Variants in AUH observed in about 807,000 individuals in gnomAD.
AUH encodes the protein methylglutaconyl-CoA hydratase, mitochondrial.
Under a neutral mutation model 42.3 loss-of-function variants are expected in AUH, and 29 were observed. That is an observed-to-expected ratio of 0.69 (90% CI 0.51 to 0.93). The LOEUF (loss-of-function observed/expected upper bound fraction) is 0.93, where lower values mean the gene tolerates loss of function less well. AUH is among the 40% of genes least tolerant of loss of function. The probability of loss-of-function intolerance (pLI) is 0.00; values close to 1 mark genes in which losing one functional copy is unlikely to be tolerated. For synonymous variants in AUH, 174 were observed against 166.4 expected, an observed-to-expected ratio of 1.05 and a Z score of -0.35; for missense variants, 452 against 438.1, an observed-to-expected ratio of 1.03 and a Z score of -0.28.
chr9:91,275,452 T>G (rs1037748024), intron 6 of AUH, among the ~76,000 whole-genome samples: 1 of 152,226 alleles, frequency 6.6e-6, no homozygotes, highest in African/African-American at 2.4e-5. Context: ...TGATTTCTCA[T>G]TTTTCAAACA....
intron 4 of AUH, among the ~76,000 whole-genome samples, chr9:91,304,089 G>A (rs1055816818): frequency 6.6e-5 from 10 of 152,156 alleles, no homozygotes; most frequent in African/African-American, 2.2e-4. Context: ...ATGACACTTC[G>A]ATTCTAGCAC....
chr9:91,276,113 T>A (rs1825517919), intron 6 of AUH, among the ~76,000 whole-genome samples: 1 of 152,098 alleles, frequency 6.6e-6, no homozygotes, highest in Non-Finnish European at 1.5e-5. Context: ...TAATATTATC[T>A]GCATTTCAAA....
intron 6 of AUH, among the ~76,000 whole-genome samples, chr9:91,236,336 G>C (rs951762293): frequency 6.6e-6 from 1 of 152,118 alleles, no homozygotes; most frequent in Non-Finnish European, 1.5e-5. Context: ...AATACCAACC[G>C]TTGACATTAC....
chr9:91,254,008 C>G (rs1829277160), intron 6 of AUH, among the ~76,000 whole-genome samples: 1 of 152,100 alleles, frequency 6.6e-6, no homozygotes. Flanking sequence ...ACATTTCCAA[C>G]TAATTACGAT....
chr9:91,335,993 T>G (rs770149649), intron 3 of AUH, among the ~76,000 whole-genome samples: 17 of 152,114 alleles, frequency 1.1e-4, no homozygotes, highest in Non-Finnish European at 1.5e-4. Context: ...TCCACAAAGG[T>G]ATATTACATT....
intron 6 of AUH, among the ~76,000 whole-genome samples, chr9:91,238,624 T>C (rs778543303): frequency 6.6e-5 from 10 of 152,360 alleles, no homozygotes; most frequent in Non-Finnish European, 8.8e-5. Flanking sequence ...AATAAAGATA[T>C]ACTTGAAATG....
At chr9:91,254,426 C>A (rs1413285700) in intron 6 of AUH, among the ~76,000 whole-genome samples, 1 of 152,094 alleles carries the variant, frequency 6.6e-6, no homozygotes, top group East Asian at 1.9e-4. Context: ...GTGTTCAATG[C>A]CAGGATGAGC....
At chr9:91,349,582 A>C (rs1426892561) in intron 3 of AUH, among the ~76,000 whole-genome samples, 6 of 152,122 alleles carry the variant, frequency 3.9e-5, no homozygotes, top group African/African-American at 1.4e-4. Context: ...CAAATATTAA[A>C]ATTTTAACTA....
intron 6 of AUH, 122 bp downstream of exon 6, chr9:91,295,899 C>G: frequency 9.0e-7 from 1 of 1,106,600 alleles, no homozygotes. Context: ...GCTAGGGATG[C>G]AAACAATATG....
At chr9:91,270,814 A>T (rs1825062407) in intron 6 of AUH, among the ~76,000 whole-genome samples, 1 of 152,178 alleles carries the variant, frequency 6.6e-6, no homozygotes, top group South Asian at 2.1e-4. Flanking sequence ...TATCACTTTG[A>T]TATAAAGAAT....
intron 3 of AUH, among the ~76,000 whole-genome samples, chr9:91,326,170 G>A (rs2131866512): frequency 6.6e-6 from 1 of 152,222 alleles, no homozygotes; most frequent in Admixed American, 6.5e-5. Context: ...TAAAATTACA[G>A]TATAGAAGGC....
chr9:91,334,806 C>A (rs1830583890), intron 3 of AUH, among the ~76,000 whole-genome samples: 1 of 152,142 alleles, frequency 6.6e-6, no homozygotes, highest in Non-Finnish European at 1.5e-5. Flanking sequence ...TGATTTCAAT[C>A]GTTCCAATTT....
intron 4 of AUH, among the ~76,000 whole-genome samples, chr9:91,298,561 G>A (rs1300897125): frequency 6.6e-6 from 1 of 152,186 alleles, no homozygotes; most frequent in Non-Finnish European, 1.5e-5. Context: ...TAGTTGCTGT[G>A]GCATTGGCCC....
At chr9:91,346,002 C>A (rs1010275461) in intron 3 of AUH, among the ~76,000 whole-genome samples, 2 of 152,032 alleles carry the variant, frequency 1.3e-5, no homozygotes, top group African/African-American at 4.8e-5. Flanking sequence ...AAAAAAGCCA[C>A]CTGTGTATAA....
chr9:91,286,469 T>A (rs1321946259), intron 6 of AUH, among the ~76,000 whole-genome samples: 1 of 152,172 alleles, frequency 6.6e-6, no homozygotes, highest in Middle Eastern at 3.2e-3. Flanking sequence ...TATAGCTTCT[T>A]TTCCTGAAAA....
chr9:91,327,965 C>G (rs542704352), intron 3 of AUH, among the ~76,000 whole-genome samples: 74 of 152,294 alleles, frequency 4.9e-4, no homozygotes, highest in African/African-American at 1.7e-3. Context: ...GGAGGTGCAG[C>G]AGGCACGGGA....
At chr9:91,218,995 G>T (rs541674388) in intron 7 of AUH, 1 of 985,312 alleles carries the variant, frequency 1.0e-6, no homozygotes, top group South Asian at 4.7e-5. Context: ...ACATTCTGAA[G>T]GAGTGTCCTT....
intron 4 of AUH, among the ~76,000 whole-genome samples, chr9:91,308,675 T>C (rs1828424937): frequency 6.6e-6 from 1 of 152,200 alleles, no homozygotes; most frequent in South Asian, 2.1e-4. Flanking sequence ...TAGAAATCTC[T>C]TTGACCCTCA....
chr9:91,258,067 A>C (rs1362157758), intron 6 of AUH, among the ~76,000 whole-genome samples: 2 of 152,344 alleles, frequency 1.3e-5, no homozygotes, highest in East Asian at 3.9e-4. Flanking sequence ...TTGCTAGTAC[A>C]TAGAACCACA....
Sources: gnomAD v4.1 joint callset for allele counts (sites outside exome capture counted in the v4.1 genomes callset) on GRCh38, gnomAD v4.1.1 for gene constraint, MANE v1.5 for transcripts, NCBI Gene and HGNC (gene_info 2026-07-23, HGNC 2026-07-21) for gene names.